PPA2: variants seen among roughly 807,000 people sequenced by gnomAD.
The protein encoded by PPA2 is inorganic pyrophosphatase 2.
A neutral mutation model predicts 49.5 loss-of-function variants in PPA2; 48 were observed. The ratio of observed to expected loss-of-function variants is 0.97; its 90% CI spans 0.77 to 1.23. The LOEUF is 1.23. PPA2 is among the 50% of genes most tolerant of loss of function. The pLI is 0.00. For missense variants in PPA2, 429 were observed against 410.1 expected (o/e 1.05, Z -0.40); for synonymous variants, 131 against 139.9 (o/e 0.94, Z 0.45).
At chr4:105,374,879 A>T (rs1733181351) in intron 10 of PPA2, among the ~76,000 whole-genome samples, 1 of 139,036 alleles carries the variant, frequency 7.2e-6, no homozygotes. Context: ...TTTTTTAGAG[A>T]CGGGGTTTTA....
In PPA2 at chr4:105,429,098, GA is replaced by G. The variant is rs370781012; in HGVS notation, c.529-4777del. On this transcript the variant is annotated intron_variant, in intron 6 of 11. Coordinates refer to ENST00000341695, the MANE Select transcript of PPA2 (RefSeq NM_176869.3). ...CTGGCTGCTCTAAATCTACAAAGGG[GA>G]TCATTTTTCTTCTTCCATCTAGAGG... Among the ~76,000 whole-genome samples, 32 of 152,254 alleles carry G rather than the reference GA, an allele frequency of 2.1e-4. No individual in the cohort carries two copies. The East Asian group carries it at 3.1e-3, about 15-fold the overall frequency.
chr4:105,399,287 T>C (rs548278607), intron 7 of PPA2, 123 bp from the exon 8 acceptor site: 7 of 907,470 alleles, frequency 7.7e-6, no homozygotes, highest in Middle Eastern at 2.7e-4. Flanking sequence ...GCACAATTGA[T>C]TGTGATACCT....
At chr4:105,383,014 T>A (rs1018048649) in intron 10 of PPA2, among the ~76,000 whole-genome samples, 1 of 140,782 alleles carries the variant, frequency 7.1e-6, no homozygotes, top group Non-Finnish European at 1.5e-5. Flanking sequence ...CAAAAAAAAA[T>A]AATAATAATT....
In PPA2 at chr4:105,424,486, TTTAGAG is replaced by T. The variant is rs140043365; in HGVS notation, c.529-170_529-165del. On this transcript the variant is annotated intron_variant, in intron 6 of 11. Coordinates refer to ENST00000341695, the MANE Select transcript of PPA2 (RefSeq NM_176869.3). ...GCCAAAGTCTGCCTTGCAATGTCCC[TTTAGAG>T]TTAACTTTCTCAAAATTTCCACTTT... Among the ~76,000 whole-genome samples, 5,000 of 152,288 alleles carry T rather than the reference TTTAGAG, an allele frequency of 0.033. 266 individuals carry two copies. The highest frequency in any genetic ancestry group is 0.11 in the African/African-American group (4,717 of 41,526).
chr4:105,441,245 G>T (rs1431517754), intron 5 of PPA2, among the ~76,000 whole-genome samples: 1 of 152,008 alleles, frequency 6.6e-6, no homozygotes, highest in African/African-American at 2.4e-5. Flanking sequence ...AAATAGTTTT[G>T]GCAACTAAAT....
At chr4:105,427,743 G>C (rs900284801) in intron 6 of PPA2, among the ~76,000 whole-genome samples, 1 of 152,210 alleles carries the variant, frequency 6.6e-6, no homozygotes, top group African/African-American at 2.4e-5. Context: ...TGAAAGTGAT[G>C]GGGAGAATGG....
At chr4:105,398,803 G>T (rs532688609) in intron 8 of PPA2, 1 of 321,772 alleles carries the variant, frequency 3.1e-6, no homozygotes, top group East Asian at 6.2e-5. Flanking sequence ...TTTCCAAGAC[G>T]TAGGAGCTAT....
chr4:105,385,429 C>T (rs971230559), intron 10 of PPA2, among the ~76,000 whole-genome samples: 1 of 149,976 alleles, frequency 6.7e-6, no homozygotes, highest in Non-Finnish European at 1.5e-5. Flanking sequence ...AAAAAACAAA[C>T]AAACAACAAC....
At chr4:105,426,560 G>C (rs1009943335) in intron 6 of PPA2, among the ~76,000 whole-genome samples, 1 of 152,216 alleles carries the variant, frequency 6.6e-6, no homozygotes, top group Non-Finnish European at 1.5e-5. Context: ...CGGGTCCCAT[G>C]CCCACAGAGC....
At chr4:105,379,958 C>T (rs915975838) in intron 10 of PPA2, among the ~76,000 whole-genome samples, 1 of 152,090 alleles carries the variant, frequency 6.6e-6, no homozygotes, top group African/African-American at 2.4e-5. Flanking sequence ...ATATTAATCT[C>T]ATGTCCTACA....
Position 105,438,026 on chromosome 4 carries a change from T to A in PPA2, c.452A>T (p.Asp151Val), listed in dbSNP as rs1439902987. The A allele has an allele frequency of 1.2e-6, 2 of 1,600,772 alleles. No homozygotes were observed. The highest frequency in any genetic ancestry group is 1.8e-5 in the Admixed American group (1 of 56,590). Residue 151 changes from aspartate to valine, a missense_variant, in exon 6 of 12, where the codon GAT (aspartate) becomes GTT (valine). By Grantham distance (152) the Asp-to-Val change is radical (BLOSUM62 -3). Coordinates refer to ENST00000341695, the MANE Select transcript of PPA2 (RefSeq NM_176869.3). ...NYGTLPQTWE[D>V]PHEKDKSTNC... Reference sequence around the variant, plus strand: ...CGTGCTCTTATCTTTTTCATGGGGATCTTCCCAAGTCTAAAATTTTTTTTT... The same window carrying A: ...CGTGCTCTTATCTTTTTCATGGGGAACTTCCCAAGTCTAAAATTTTTTTTT...
intron 7 of PPA2, chr4:105,399,546 A>G (rs546502696): frequency 1.3e-5 from 2 of 157,688 alleles, no homozygotes; most frequent in African/African-American, 4.8e-5. Flanking sequence ...AACAGAAGCA[A>G]TGGTAATGTC....
At chr4:105,455,779 A>G (rs777193458) in intron 2 of PPA2, among the ~76,000 whole-genome samples, 3 of 152,176 alleles carry the variant, frequency 2.0e-5, no homozygotes, top group Non-Finnish European at 4.4e-5. Flanking sequence ...TTGCATCTGA[A>G]GTAGCCTCCT....
intron 5 of PPA2, among the ~76,000 whole-genome samples, chr4:105,439,718 G>T (rs1382459067): frequency 6.6e-6 from 1 of 151,826 alleles, no homozygotes; most frequent in African/African-American, 2.4e-5. Context: ...TAAGTTTTAG[G>T]GTACATGTGC....
Position 105,396,350 on chromosome 4 carries a change from C to A in PPA2, c.784-16G>T. On this transcript the variant is annotated splice_polypyrimidine_tract_variant and intron_variant, in intron 8 of 11. Coordinates refer to ENST00000341695, the MANE Select transcript of PPA2 (RefSeq NM_176869.3). ...GAGCAAAAGCCTAGCTCCAAACAAA[C>A]AAATAAAAAAAGACGTATTTAATAT... The A allele has an allele frequency of 1.8e-6, 2 of 1,103,332 alleles. No individual in the cohort carries two copies. Among genetic ancestry groups the A allele is most frequent in the Non-Finnish European group, 1.3e-6 (1 of 782,424 alleles). The allele number at this position is 1,103,332 out of a possible 1,614,324, so 68.3% of individuals were successfully genotyped here. A position where few individuals can be genotyped will look rare whatever the true frequency, so the allele number is the denominator to read the frequency against.
Position 105,369,679 on chromosome 4 carries a change from G to C in PPA2, c.*46C>G, listed in dbSNP as rs756837991. 6.5e-7 allele frequency: 1 copy of C among 1,531,066 alleles called. No individual in the cohort carries two copies. The allele number at this position is 1,531,066 out of a possible 1,614,324, so 94.8% of individuals were successfully genotyped here. ...GACCCCCTTGTCTCTAGCACTTGGA[G>C]TCCTTAGAGATGGGAATCTTGACAG... On this transcript the variant is annotated 3_prime_UTR_variant, in exon 12 of 12. Transcript: ENST00000341695.
intron 7 of PPA2, among the ~76,000 whole-genome samples, chr4:105,415,075 G>A (rs1722943198): frequency 6.6e-6 from 1 of 152,190 alleles, no homozygotes; most frequent in South Asian, 2.1e-4. Flanking sequence ...GAGGGAGGAA[G>A]TGTGTGCTGA....
intron 1 of PPA2, among the ~76,000 whole-genome samples, chr4:105,461,885 T>C (rs1723106499): frequency 6.6e-6 from 1 of 152,192 alleles, no homozygotes; most frequent in Non-Finnish European, 1.5e-5. Flanking sequence ...CATCATCACC[T>C]AGTAAGTTTA....
chr4:105,396,225 T>C, intron 9 of PPA2, 24 bp downstream of exon 9: 3 of 1,437,108 alleles, frequency 2.1e-6, no homozygotes, highest in Non-Finnish European at 2.9e-6. Flanking sequence ...TAACATTACT[T>C]ACATAGAAAA....
Sources: allele counts gnomAD v4.1 joint callset (sites outside exome capture counted in the v4.1 genomes callset), GRCh38; gene constraint gnomAD v4.1.1; transcripts MANE v1.5; gene names NCBI Gene and HGNC (gene_info 2026-07-23, HGNC 2026-07-21).